R3HDM1: variants seen among roughly 807,000 people sequenced by gnomAD.
R3HDM1 encodes R3H domain containing 1.
In R3HDM1, 46 loss-of-function variants were observed where a neutral mutation model predicts 141.1. The observed-to-expected ratio is 0.33, with a 90% CI of 0.26 to 0.42. R3HDM1 has a LOEUF of 0.42. R3HDM1 is among the 10% of genes least tolerant of loss of function. R3HDM1 has a pLI of 1.00. For synonymous variants in R3HDM1, 435 were observed against 472.9 expected, an observed-to-expected ratio of 0.92 and a Z score of 1.04; for missense variants, 1,184 against 1,368.3, an observed-to-expected ratio of 0.87 and a Z score of 2.12.
rs72988453 is a variant in R3HDM1, at chr2:135,601,137, A to T, written c.-249-1363A>T. Among the ~76,000 whole-genome samples the T allele has an allele frequency of 8.3e-4, 127 of 152,280 alleles. 1 individual carries two copies. Among genetic ancestry groups the T allele is most frequent in the African/African-American group, 2.9e-3 (122 of 41,522 alleles). ...GTGTCTACCATTTTATGAGATAAAA[A>T]GCTAAAATGGAGAAAAAATACTTGA... On this transcript the variant is annotated intron_variant, in intron 1 of 26. Coordinates refer to ENST00000683871, the MANE Select transcript of R3HDM1 (RefSeq NM_001378107.1).
intron 20 of R3HDM1, 136 bp downstream of exon 20, chr2:135,675,622 A>G: frequency 4.5e-6 from 4 of 896,288 alleles, no homozygotes; most frequent in Non-Finnish European, 6.3e-6. Flanking sequence ...TAATACAGGA[A>G]AAACACTTCT....
intron 21 of R3HDM1, among the ~76,000 whole-genome samples, chr2:135,700,082 T>A (rs373729758): frequency 6.6e-6 from 1 of 152,072 alleles, no homozygotes. Flanking sequence ...TAAAATTTTA[T>A]CACAAAGATA....
At chr2:135,713,130 T>C (rs2075837511) in intron 23 of R3HDM1, among the ~76,000 whole-genome samples, 1 of 151,662 alleles carries the variant, frequency 6.6e-6, no homozygotes, top group South Asian at 2.1e-4. Flanking sequence ...TGACCCTGAG[T>C]GGTAGAGGCT....
At chr2:135,536,881 G>A (rs1696242817) in intron 1 of R3HDM1, 1 of 213,566 alleles carries the variant, frequency 4.7e-6, no homozygotes, top group African/African-American at 2.4e-5. Flanking sequence ...ACTGTGAACT[G>A]CGCATGCAAG....
intron 1 of R3HDM1, among the ~76,000 whole-genome samples, chr2:135,541,101 A>G (rs1297236416): frequency 2.0e-5 from 3 of 152,170 alleles, no homozygotes; most frequent in Non-Finnish European, 4.4e-5. Context: ...TTTCATTTAT[A>G]GAGCACAGGC....
At chr2:135,606,493 G>GGGAGC (rs1559225606) in intron 3 of R3HDM1, 1 of 152,002 alleles carries the variant, frequency 6.6e-6, no homozygotes, top group African/African-American at 2.4e-5. Context: ...TGTTTAGGCC[G>GGGAGC]GGAGCGATGG....
At chr2:135,557,440 G>C (rs2104947402) in intron 1 of R3HDM1, among the ~76,000 whole-genome samples, 1 of 152,300 alleles carries the variant, frequency 6.6e-6, no homozygotes, top group Middle Eastern at 3.4e-3. Context: ...ACAGGAGTCA[G>C]AGAATTTACT....
intron 1 of R3HDM1, chr2:135,596,971 A>T: frequency 1.0e-6 from 1 of 953,252 alleles, no homozygotes; most frequent in Non-Finnish European, 1.2e-6. Flanking sequence ...TTGATAGCAC[A>T]AATTGTTTTC....
At chr2:135,533,521 G>A (rs1219223132) in intron 1 of R3HDM1, among the ~76,000 whole-genome samples, 1 of 152,174 alleles carries the variant, frequency 6.6e-6, no homozygotes, top group Non-Finnish European at 1.5e-5. Flanking sequence ...ACCTCAGTTC[G>A]GTTTCCTCAT....
At position 135,657,117 on chromosome 2, in the gene R3HDM1, T is replaced by G. The variant is rs533128713; in HGVS notation, c.2029-4153T>G. Among the ~76,000 whole-genome samples, 12 of 150,476 alleles carry G rather than the reference T, an allele frequency of 8.0e-5. No individual in the cohort carries two copies. The South Asian group carries it at 2.1e-3, about 26-fold the overall frequency. ...TCTCAATTAAAAAAAGAGAGAGAGA[T>G]ATTGGCTAGGCACAGTGGCTCAAGC... On this transcript the variant is annotated intron_variant, in intron 18 of 26. Coordinates refer to ENST00000683871, the MANE Select transcript of R3HDM1 (RefSeq NM_001378107.1).
intron 21 of R3HDM1, among the ~76,000 whole-genome samples, chr2:135,699,278 G>A (rs576250831): frequency 6.6e-5 from 10 of 152,290 alleles, no homozygotes; most frequent in Non-Finnish European, 1.0e-4. Flanking sequence ...AATTGGATTC[G>A]TATATGGAGA....
chr2:135,574,629 C>T (rs1440666952), intron 1 of R3HDM1, among the ~76,000 whole-genome samples: 1 of 152,080 alleles, frequency 6.6e-6, no homozygotes, highest in African/African-American at 2.4e-5. Flanking sequence ...ATACCATGAC[C>T]ATGTGAGATT....
intron 21 of R3HDM1, 138 bp from the exon 22 acceptor site, chr2:135,709,295 G>C (rs373218396): frequency 2.2e-5 from 25 of 1,129,956 alleles, no homozygotes; most frequent in African/African-American, 6.4e-5. Flanking sequence ...GGATGTTCTC[G>C]ATCTCCTGAC....
intron 15 of R3HDM1, among the ~76,000 whole-genome samples, chr2:135,642,037 A>T (rs915755153): frequency 7.9e-5 from 12 of 152,176 alleles, no homozygotes; most frequent in African/African-American, 1.7e-4. Flanking sequence ...TATAATTTTT[A>T]AAAAAGTTTA....
At chr2:135,686,463 G>A (rs564148501) in intron 21 of R3HDM1, among the ~76,000 whole-genome samples, 1 of 152,290 alleles carries the variant, frequency 6.6e-6, no homozygotes, top group Non-Finnish European at 1.5e-5. Context: ...AGAAAATGTG[G>A]TATGGCTCAT....
intron 7 of R3HDM1, among the ~76,000 whole-genome samples, chr2:135,628,990 G>A (rs978061340): frequency 6.6e-6 from 1 of 151,392 alleles, no homozygotes; most frequent in African/African-American, 2.4e-5. Flanking sequence ...AATTATAAAA[G>A]TTACTGAAAA....
chr2:135,575,953 A>C (rs1190651478), intron 1 of R3HDM1, among the ~76,000 whole-genome samples: 7 of 152,310 alleles, frequency 4.6e-5, no homozygotes, highest in African/African-American at 1.7e-4. Flanking sequence ...GAAAAGAAAA[A>C]CTGCTGGTGG....
chr2:135,683,387 C>A (rs2105360844), intron 21 of R3HDM1, among the ~76,000 whole-genome samples: 1 of 152,092 alleles, frequency 6.6e-6, no homozygotes, highest in Middle Eastern at 3.4e-3. Context: ...AACCCTGTCT[C>A]CACTAAAAAT....
intron 1 of R3HDM1, among the ~76,000 whole-genome samples, chr2:135,582,362 T>C (rs1218186449): frequency 6.6e-6 from 1 of 152,170 alleles, no homozygotes; most frequent in Admixed American, 6.5e-5. Context: ...ATTTAGTCAA[T>C]GGTTTTAATT....
Sources: gnomAD v4.1 joint callset for allele counts (sites outside exome capture counted in the v4.1 genomes callset) on GRCh38, gnomAD v4.1.1 for gene constraint, MANE v1.5 for transcripts, NCBI Gene and HGNC (gene_info 2026-07-23, HGNC 2026-07-21) for gene names.